ATP6V0A4: variants seen among roughly 807,000 people sequenced by gnomAD.
The protein encoded by ATP6V0A4 is ATPase H+ transporting V0 subunit a4, also known as V-type proton ATPase 116 kDa subunit a 4.
ATP6V0A4 carries 86 observed loss-of-function variants against 107.3 expected under a neutral mutation model. That is an observed-to-expected ratio of 0.80 (90% CI 0.67 to 0.96). The LOEUF is 0.96. Ranked by LOEUF, ATP6V0A4 falls within the 40% of genes least tolerant of loss-of-function variation. ATP6V0A4 has a pLI of 0.00. For missense variants in ATP6V0A4, 908 were observed against 1,045.6 expected, an observed-to-expected ratio of 0.87 and a Z score of 1.81; for synonymous variants, 353 against 381.4, an observed-to-expected ratio of 0.93 and a Z score of 0.87.
At chr7:138,730,936 T>TTTC (rs1562988460) in intron 17 of ATP6V0A4, among the ~76,000 whole-genome samples, 2 of 138,868 alleles carry the variant, frequency 1.4e-5, no homozygotes, top group African/African-American at 6.2e-5. Flanking sequence ...TTCTTCTTTT[T>TTTC]TTATTTTTTT....
At position 138,798,139 on chromosome 7, in the gene ATP6V0A4, T is replaced by C; in HGVS notation, c.-226A>G. On this transcript the variant is annotated 5_prime_UTR_variant, in exon 1 of 22. Coordinates refer to ENST00000310018, the MANE Select transcript of ATP6V0A4 (RefSeq NM_020632.3). ...CTCCCCGCTGCCACCCGGGCCACCCTGATCCTCAGCCTGGCCTTTGCCTCC... is the reference window on the plus strand; with the variant it reads ...CTCCCCGCTGCCACCCGGGCCACCCCGATCCTCAGCCTGGCCTTTGCCTCC... The C allele has an allele frequency of 6.2e-7, 1 of 1,602,004 alleles. No homozygotes were observed. The highest frequency in any genetic ancestry group is 2.3e-5 in the East Asian group (1 of 44,350).
intron 15 of ATP6V0A4, among the ~76,000 whole-genome samples, chr7:138,735,479 C>T (rs1339176854): frequency 1.3e-5 from 2 of 152,190 alleles, no homozygotes; most frequent in African/African-American, 4.8e-5. Flanking sequence ...ACAATCATCT[C>T]GCTCCCTCCA....
intron 1 of ATP6V0A4, among the ~76,000 whole-genome samples, chr7:138,788,752 A>G (rs946430065): frequency 3.9e-5 from 6 of 152,136 alleles, no homozygotes; most frequent in Non-Finnish European, 8.8e-5. Flanking sequence ...TGTTCTCATG[A>G]TAGGAAATGA....
chr7:138,724,009 G>C (rs1247438427), intron 18 of ATP6V0A4, among the ~76,000 whole-genome samples: 1 of 130,908 alleles, frequency 7.6e-6, no homozygotes, highest in Non-Finnish European at 1.6e-5. Context: ...GGGCAACAAA[G>C]TGAGATCCCA....
intron 15 of ATP6V0A4, among the ~76,000 whole-genome samples, chr7:138,735,368 G>A (rs1464282864): frequency 6.6e-6 from 1 of 152,074 alleles, no homozygotes; most frequent in Non-Finnish European, 1.5e-5. Context: ...AAGGCGACAA[G>A]GGCACAATGG....
At chr7:138,784,413 G>T (rs1331530308) in intron 2 of ATP6V0A4, among the ~76,000 whole-genome samples, 1 of 149,676 alleles carries the variant, frequency 6.7e-6, no homozygotes, top group Admixed American at 6.7e-5. Context: ...CCGTCTCCTG[G>T]GTTCACGCCA....
chr7:138,718,106 G>A (rs1488750321), intron 19 of ATP6V0A4, among the ~76,000 whole-genome samples: 11 of 6,764 alleles, frequency 1.6e-3, no homozygotes, highest in Middle Eastern at 0.062. Context: ...GGGGGGCGGG[G>A]GTGCAGTCAC....
intron 3 of ATP6V0A4, 145 bp from the exon 4 acceptor site, chr7:138,769,396 C>A (rs1807265368): frequency 6.9e-6 from 9 of 1,296,162 alleles, no homozygotes; most frequent in Non-Finnish European, 9.3e-6. Context: ...CTCACTGTAA[C>A]CTCCACCTCC....
intron 8 of ATP6V0A4, among the ~76,000 whole-genome samples, chr7:138,758,317 A>G (rs1806609803): frequency 6.6e-6 from 1 of 152,212 alleles, no homozygotes; most frequent in Admixed American, 6.5e-5. Context: ...GGCTATAGAG[A>G]GAAATAGTAC....
intron 21 of ATP6V0A4, 126 bp downstream of exon 21, chr7:138,709,498 G>C (rs2117177251): frequency 3.6e-6 from 3 of 835,438 alleles, no homozygotes; most frequent in East Asian, 5.0e-5. Context: ...CTAAACTAAG[G>C]CTCCAAAGAG....
At chr7:138,797,908 G>A in intron 1 of ATP6V0A4, 126 bp downstream of exon 1, 4 of 1,366,464 alleles carry the variant, frequency 2.9e-6, no homozygotes, top group African/African-American at 1.4e-5. Context: ...CTTCTAGAGA[G>A]GTGAGAGAAG....
intron 2 of ATP6V0A4, among the ~76,000 whole-genome samples, chr7:138,777,615 CAAA>C (rs67200252): frequency 3.9e-4 from 44 of 112,036 alleles, no homozygotes; most frequent in African/African-American, 1.0e-3. Context: ...AACTCCGTCT[CAAA>C]AAAAAAAAAA....
In ATP6V0A4 at chr7:138,721,910, T is replaced by C; in HGVS notation, c.2126A>G (p.Asp709Gly). The C allele has an allele frequency of 1.2e-6, 2 of 1,614,062 alleles. No individual in the cohort carries two copies. Among genetic ancestry groups the C allele is most frequent in the Non-Finnish European group, 8.5e-7 (1 of 1,179,998 alleles). The change falls in exon 19 of 22, where the codon GAC becomes GGC. Residue 709 changes from aspartate (D) to glycine (G), a missense_variant. Coordinates refer to ENST00000310018, the MANE Select transcript of ATP6V0A4 (RefSeq NM_020632.3). ...CGTCCCAGATACCTCTTCTCCATGGTCGTCCAGAGCCCCGTGGGTATCTGC... is the reference window on the plus strand; with the variant it reads ...CGTCCCAGATACCTCTTCTCCATGGCCGTCCAGAGCCCCGTGGGTATCTGC... ...TSADTHGALD[D>G]HGEEFNFGDV...
chr7:138,707,502 A>G lies in ATP6V0A4; in HGVS notation c.2430-785T>C, dbSNP rs557330712. 1.7e-3 allele frequency among the ~76,000 whole-genome samples: 253 copies of G among 146,278 alleles called. 1 individual carries two copies. The highest frequency in any genetic ancestry group is 6.1e-3 in the African/African-American group (242 of 39,458). ...CTGCAACCTCTGCCTCCCAGGCTCA[A>G]GCAATTCTCCTGCCTCAGCCTTCCG... On this transcript the variant is annotated intron_variant, in intron 21 of 21. Transcript: ENST00000310018.
intron 4 of ATP6V0A4, 46 bp from the exon 5 acceptor site, chr7:138,768,920 C>G: frequency 6.2e-7 from 1 of 1,611,098 alleles, no homozygotes; most frequent in Non-Finnish European, 8.5e-7. Flanking sequence ...ATTGTGTTTT[C>G]TCATAACTAA....
At chr7:138,740,210 C>G (rs956054403) in intron 14 of ATP6V0A4, among the ~76,000 whole-genome samples, 2 of 151,856 alleles carry the variant, frequency 1.3e-5, no homozygotes, top group African/African-American at 4.8e-5. Context: ...AGCAGGGATG[C>G]TGGGAGCACA....
chr7:138,759,636 GA>G (rs1806691448), intron 8 of ATP6V0A4, 115 bp downstream of exon 8: 2 of 1,128,300 alleles, frequency 1.8e-6, no homozygotes, highest in Non-Finnish European at 2.6e-6. Context: ...AGAAAAAAAG[GA>G]AATAGATATT....
intron 5 of ATP6V0A4, among the ~76,000 whole-genome samples, chr7:138,763,941 C>T (rs1200663383): frequency 7.1e-6 from 1 of 140,722 alleles, no homozygotes; most frequent in East Asian, 2.1e-4. Context: ...ACCTGGGAGA[C>T]AAAGCTTTTT....
chr7:138,746,021 A>T (rs1805932297), intron 13 of ATP6V0A4, among the ~76,000 whole-genome samples: 1 of 142,192 alleles, frequency 7.0e-6, no homozygotes, highest in East Asian at 2.0e-4. Context: ...TATTTATAAC[A>T]TAATATATAT....
Sources: gnomAD v4.1 joint callset for allele counts (sites outside exome capture counted in the v4.1 genomes callset) on GRCh38, gnomAD v4.1.1 for gene constraint, MANE v1.5 for transcripts, NCBI Gene and HGNC (gene_info 2026-07-23, HGNC 2026-07-21) for gene names.